Variants in LIPA observed in about 807,000 individuals in gnomAD.
LIPA encodes the protein lipase A, lysosomal acid type.
A neutral mutation model predicts 40.6 loss-of-function variants in LIPA; 26 were observed. The observed-to-expected ratio is 0.64, with a 90% CI of 0.47 to 0.89. The LOEUF is 0.89. Among genes scored for constraint, LIPA ranks in the 40% least tolerant of loss-of-function variants. The pLI is 0.00. For synonymous variants in LIPA, 188 were observed against 168.4 expected (o/e 1.12, Z -0.90); for missense variants, 455 against 479.6 (o/e 0.95, Z 0.48).
chr10:89,240,333 T>C (rs764579187), intron 3 of LIPA, among the ~76,000 whole-genome samples: 95 of 152,202 alleles, frequency 6.2e-4, no homozygotes, highest in Non-Finnish European at 1.8e-4. Flanking sequence ...CCATGGTTCA[T>C]GCCTGTTATC....
intron 1 of LIPA, among the ~76,000 whole-genome samples, chr10:89,260,203 A>G (rs1475577812): frequency 1.3e-5 from 2 of 152,348 alleles, no homozygotes. Flanking sequence ...AGATGATGAT[A>G]TAGAGACTCA....
At chr10:89,330,409 T>C (rs1465960702) in intron 1 of LIPA, among the ~76,000 whole-genome samples, 3 of 152,208 alleles carry the variant, frequency 2.0e-5, no homozygotes. Context: ...CTATGCCCAA[T>C]GGCCAAAAGG....
intron 2 of LIPA, among the ~76,000 whole-genome samples, chr10:89,348,610 C>A (rs1843938892): frequency 6.6e-6 from 1 of 152,176 alleles, no homozygotes; most frequent in Non-Finnish European, 1.5e-5. Context: ...CAAGGAGAAT[C>A]CCGCAGCTCA....
intron 1 of LIPA, among the ~76,000 whole-genome samples, chr10:89,276,208 T>C (rs896190108): frequency 3.3e-5 from 5 of 152,190 alleles, no homozygotes; most frequent in Admixed American, 2.0e-4. Flanking sequence ...AGTATCTCCT[T>C]AAATTTTATG....
intron 2 of LIPA, among the ~76,000 whole-genome samples, chr10:89,361,302 G>A (rs914040512): frequency 6.6e-6 from 1 of 152,214 alleles, no homozygotes; most frequent in African/African-American, 2.4e-5. Flanking sequence ...AAAAGGAGAA[G>A]ACCATGCCTG....
At chr10:89,253,701 C>T (rs1368767172), upstream of LIPA, among the ~76,000 whole-genome samples, 4 of 152,202 alleles carry the variant, frequency 2.6e-5, no homozygotes, top group Non-Finnish European at 5.9e-5. Flanking sequence ...TCCAAAGTCT[C>T]ACCTGAGACA....
chr10:89,214,856 A>C lies in LIPA; in HGVS notation c.1172T>G (p.Ile391Ser). The C allele has an allele frequency of 6.2e-7, 1 of 1,608,444 alleles. No individual in the cohort carries two copies. Among genetic ancestry groups the C allele is most frequent in the Non-Finnish European group, 8.5e-7 (1 of 1,174,986 alleles). ...LDAPWRLYNK[I>S]INLMRKYQ Reference sequence around the variant, plus strand: ...CTGATATTTCCTCATTAGATTAATAATTTTATTATAAAGCCTCCAAGGGGC... The same window carrying C: ...CTGATATTTCCTCATTAGATTAATACTTTTATTATAAAGCCTCCAAGGGGC... The change falls in exon 10 of 10, where the codon ATT (isoleucine) becomes AGT (serine). Residue 391 changes from isoleucine (I) to serine (S), a missense_variant. Transcript: ENST00000336233.
chr10:89,215,854 G>T, intron 9 of LIPA, 84 bp downstream of exon 9: 1 of 878,100 alleles, frequency 1.1e-6, no homozygotes, highest in Non-Finnish European at 2.0e-6. Context: ...CAGCACCTGA[G>T]CCTGGCCAGA....
intron 2 of LIPA, chr10:89,378,193 A>C: frequency 6.2e-7 from 1 of 1,606,518 alleles, no homozygotes; most frequent in Non-Finnish European, 8.5e-7. Flanking sequence ...TTGAAATTCT[A>C]AAACTTTCCT....
chr10:89,238,788 C>T (rs1842934604), intron 3 of LIPA, among the ~76,000 whole-genome samples: 1 of 152,158 alleles, frequency 6.6e-6, no homozygotes, highest in Non-Finnish European at 1.5e-5. Flanking sequence ...ATACATATAA[C>T]ATATAAAATA....
At chr10:89,266,976 GA>G (rs1843239253) in intron 1 of LIPA, among the ~76,000 whole-genome samples, 2 of 152,206 alleles carry the variant, frequency 1.3e-5, no homozygotes, top group South Asian at 4.1e-4. Context: ...CCAGGACAGA[GA>G]AATAAGGACT....
At chr10:89,222,459 C>A (rs1223141170) in intron 8 of LIPA, 52 bp downstream of exon 8, 2 of 1,129,608 alleles carry the variant, frequency 1.8e-6, no homozygotes, top group Non-Finnish European at 2.7e-6. Flanking sequence ...ATGCCCAGAC[C>A]TTTCTGATGT....
chr10:89,239,193 T>C (rs150584153), intron 3 of LIPA, among the ~76,000 whole-genome samples: 3 of 152,302 alleles, frequency 2.0e-5, no homozygotes, highest in African/African-American at 7.2e-5. Flanking sequence ...GACATCTAAG[T>C]CAGATACTTT....
chr10:89,222,574 C>A lies in LIPA; in HGVS notation c.831G>T (p.Val277=), dbSNP rs746566896. The A allele has an allele frequency of 1.3e-6, 2 of 1,586,720 alleles. No individual in the cohort carries two copies. The highest frequency in any genetic ancestry group is 1.7e-6 in the Non-Finnish European group (2 of 1,154,954). The part of the protein sequence containing the change: ...FNERNLNMSR[V]DVYTTHSPAG... ...CAGGAGAATGTGTTGTATATACATC[C>A]ACTCTAGACTGCAAAATAAATACAT... Residue 277 remains valine, a synonymous_variant, in exon 8 of 10, where the codon GTG becomes GTT. Transcript: ENST00000336233.
chr10:89,240,731 T>G (rs1183635356), intron 3 of LIPA, among the ~76,000 whole-genome samples: 1 of 152,168 alleles, frequency 6.6e-6, no homozygotes, highest in Non-Finnish European at 1.5e-5. Context: ...CAATACAGCT[T>G]CAAGTTTTAC....
At chr10:89,351,494 G>A (rs2151008) in intron 2 of LIPA, among the ~76,000 whole-genome samples, 4,625 of 152,278 alleles carry the variant, frequency 0.03, 126 homozygotes, top group African/African-American at 0.071. Flanking sequence ...GATTTGCAAG[G>A]ATCCCAGAAT....
At chr10:89,385,099 TC>T (rs1844200889) in intron 2 of LIPA, 1 of 175,120 alleles carries the variant, frequency 5.7e-6, no homozygotes, top group Non-Finnish European at 1.2e-5. Flanking sequence ...GTAAGTGAAA[TC>T]TTAACTTCCC....
At chr10:89,255,308 C>T (rs1227925355), upstream of LIPA, among the ~76,000 whole-genome samples, 1 of 152,182 alleles carries the variant, frequency 6.6e-6, no homozygotes, top group African/African-American at 2.4e-5. Flanking sequence ...TGGCAGCAGA[C>T]ATGAGAGGAT....
chr10:89,358,974 CT>C (rs1242580777), intron 2 of LIPA, among the ~76,000 whole-genome samples: 1 of 152,196 alleles, frequency 6.6e-6, no homozygotes, highest in Admixed American at 6.5e-5. Context: ...CCCAATTACC[CT>C]GATTTGATGA....
Sources: gnomAD v4.1 joint callset for allele counts (sites outside exome capture counted in the v4.1 genomes callset) on GRCh38, gnomAD v4.1.1 for gene constraint, MANE v1.5 for transcripts, NCBI Gene and HGNC (gene_info 2026-07-23, HGNC 2026-07-21) for gene names.